TTLL3: variants seen among roughly 807,000 people sequenced by gnomAD.
TTLL3 encodes the protein tubulin tyrosine ligase like 3, also known as tubulin monoglycylase TTLL3.
Under a neutral mutation model 75.2 loss-of-function variants are expected in TTLL3, and 63 were observed. The observed-to-expected ratio is 0.84, with a 90% CI of 0.68 to 1.03. The LOEUF (loss-of-function observed/expected upper bound fraction) is 1.03, where lower values mean the gene tolerates loss of function less well. Among genes scored for constraint, TTLL3 ranks in the 50% least tolerant of loss-of-function variants. The pLI is 0.00. For synonymous variants in TTLL3, 393 were observed against 418.5 expected, an observed-to-expected ratio of 0.94 and a Z score of 0.74; for missense variants, 997 against 1,069.9, an observed-to-expected ratio of 0.93 and a Z score of 0.95.
At chr3:9,819,765 T>G in intron 7 of TTLL3, 1 of 985,480 alleles carries the variant, frequency 1.0e-6, no homozygotes, top group Non-Finnish European at 1.2e-6. Context: ...GGAAAATCCC[T>G]GCCTCTTCCA....
chr3:9,809,983 G>GAGGGCGGGCGCGGGATCAGGGGCCCTGGC, upstream of TTLL3: 1 of 1,297,716 alleles, frequency 7.7e-7, no homozygotes. Flanking sequence ...GGGGCCCTGG[G>GAGGGCGGGCGCGGGATCAGGGGCCCTGGC]AGGGCGAGCG....
chr3:9,828,203 G>C (rs1379688073), intron 10 of TTLL3: 1 of 151,114 alleles, frequency 6.6e-6, no homozygotes, highest in South Asian at 2.1e-4. Context: ...AGCAAATGTA[G>C]AGCAGGGGAA....
intron 4 of TTLL3, 104 bp from the exon 5 acceptor site, chr3:9,815,970 C>T: frequency 1.7e-6 from 2 of 1,147,638 alleles, no homozygotes; most frequent in Non-Finnish European, 2.3e-6. Context: ...GAAGCATCCT[C>T]TCCTTCCTGT....
At position 9,810,309 on chromosome 3, in the gene TTLL3, C is replaced by T. The variant is rs1249316629; in HGVS notation, c.-127C>T. The T allele has an allele frequency of 5.4e-6, 8 of 1,485,718 alleles. No individual in the cohort carries two copies. Among genetic ancestry groups the T allele is most frequent in the Admixed American group, 2.5e-5 (1 of 40,554 alleles). The allele number at this position is 1,485,718 out of a possible 1,614,324, so 92.0% of individuals were successfully genotyped here. The stretch of plus-strand genomic sequence containing the variant: ...TCAGCGGCGCCTTCAAGACGCTGGT[C>T]CCAGGCACCCACGCCCAGGGCGCCT... On this transcript the variant is annotated 5_prime_UTR_variant, in exon 1 of 14. Transcript: ENST00000685419. This position sits in a 1 kb window ranked among gnomAD's most constrained non-coding sequence, Gnocchi z 4.4.
intron 12 of TTLL3, 128 bp from the exon 13 acceptor site, chr3:9,834,553 C>G: frequency 7.0e-7 from 1 of 1,437,596 alleles, no homozygotes. Context: ...GGAGGAGGAA[C>G]CGGGAGGGCT....
chr3:9,817,870 C>T (rs2080038773), intron 6 of TTLL3, 111 bp downstream of exon 6: 2 of 1,377,752 alleles, frequency 1.5e-6, no homozygotes, highest in Non-Finnish European at 2.0e-6. Flanking sequence ...ATCTGCCTGC[C>T]CCAGCAGATT....
rs745415231 is a variant in TTLL3 at position 9,813,339 on chromosome 3, T to C, written c.309T>C (p.Ala103=). Residue 103 remains alanine (A), a synonymous_variant, in exon 4 of 14, where the codon GCT becomes GCC. Coordinates refer to ENST00000685419, the MANE Select transcript of TTLL3 (RefSeq NM_001387446.1). ...LKFDDLDGTH[A]LMSRMVQNEI... ...TTGATGACCTAGATGGAACACATGC[T>C]CTGATGGTGAGGGCCCTGGGGGCCA... 6.2e-7 allele frequency: 1 copy of C among 1,614,112 alleles called. No homozygotes were observed. Among genetic ancestry groups the C allele is most frequent in the Non-Finnish European group, 8.5e-7 (1 of 1,180,028 alleles).
intron 10 of TTLL3, 33 bp from the exon 11 acceptor site, chr3:9,828,927 G>T (rs756319815): frequency 6.2e-7 from 1 of 1,610,034 alleles, no homozygotes; most frequent in Non-Finnish European, 8.5e-7. Context: ...AGACACAAGG[G>T]CCTGGACCTC....
At chr3:9,832,538 A>G (rs767649181) in intron 11 of TTLL3, among the ~76,000 whole-genome samples, 4 of 152,200 alleles carry the variant, frequency 2.6e-5, no homozygotes, top group Non-Finnish European at 5.9e-5. Context: ...AGGGCAGGAC[A>G]TACAGCTTGG....
chr3:9,810,587 G>C lies in TTLL3; in HGVS notation c.-41-34G>C, dbSNP rs960696356. The C allele has an allele frequency of 8.4e-6, 13 of 1,548,320 alleles. No individual in the cohort carries two copies. The highest frequency in any genetic ancestry group is 1.1e-5 in the Non-Finnish European group (13 of 1,145,362). On this transcript the variant is annotated intron_variant, in intron 1 of 13. Coordinates refer to ENST00000685419, the MANE Select transcript of TTLL3 (RefSeq NM_001387446.1). The surrounding 1 kb of genome is among the most constrained non-coding windows in gnomAD (Gnocchi z 4.4). ...GGCCGAGACCCTAGGCCCAGCCTCA[G>C]TGTACCCCGCCCCTATTCCGCATCT...
In TTLL3 at chr3:9,827,009, T is replaced by G. The variant is rs969680767; in HGVS notation, c.1016T>G (p.Met339Arg). ...TCTTCCCCCGTAGGCATCATGTGCA[T>G]GGACCACCTGGAGGAGATGCTGAAG... ...AKSRGRGIMCMDHLEEMLKLV... is the reference protein window; with the variant it reads ...AKSRGRGIMCRDHLEEMLKLV... The change falls in exon 10 of 14, where the codon ATG becomes AGG. Residue 339 changes from methionine to arginine, a missense_variant. Met to Arg is a moderately conservative substitution (Grantham distance 91). Coordinates refer to ENST00000685419, the MANE Select transcript of TTLL3 (RefSeq NM_001387446.1). 6.2e-7 allele frequency: 1 copy of G among 1,614,040 alleles called. No homozygotes were observed. The highest frequency in any genetic ancestry group is 1.3e-5 in the African/African-American group (1 of 74,912).
chr3:9,820,182 G>A (rs919885230), intron 7 of TTLL3: 4 of 1,026,864 alleles, frequency 3.9e-6, no homozygotes, highest in Non-Finnish European at 4.7e-6. Context: ...TGGGGGAGGG[G>A]CGTTCATGTA....
intron 12 of TTLL3, 32 bp from the exon 13 acceptor site, chr3:9,834,649 C>A (rs1202822200): frequency 6.2e-7 from 1 of 1,612,814 alleles, no homozygotes; most frequent in African/African-American, 1.3e-5. Flanking sequence ...GGGCCCCACC[C>A]CAGGGCCTCA....
At chr3:9,824,139 G>A (rs931544542) in intron 8 of TTLL3, among the ~76,000 whole-genome samples, 1 of 152,200 alleles carries the variant, frequency 6.6e-6, no homozygotes, top group Non-Finnish European at 1.5e-5. Context: ...TTGTAGTTAG[G>A]GGATTCAGAC....
intron 5 of TTLL3, 149 bp downstream of exon 5, chr3:9,816,351 C>A: frequency 1.2e-6 from 1 of 801,078 alleles, no homozygotes; most frequent in Non-Finnish European, 1.7e-6. Context: ...TGACCAGTAT[C>A]TGGCAAGTTC....
intron 11 of TTLL3, among the ~76,000 whole-genome samples, chr3:9,832,493 A>G (rs569911654): frequency 3.3e-5 from 5 of 152,168 alleles, no homozygotes; most frequent in Non-Finnish European, 7.4e-5. Flanking sequence ...CCAGGTTGCT[A>G]GCAAGGCACA....
At position 9,813,358 on chromosome 3, in the gene TTLL3, G is replaced by C; in HGVS notation, c.315+13G>C. 6.2e-7 allele frequency: 1 copy of C among 1,613,736 alleles called. No individual in the cohort carries two copies. The highest frequency in any genetic ancestry group is 8.5e-7 in the Non-Finnish European group (1 of 1,179,972). ...ACATGCTCTGATGGTGAGGGCCCTG[G>C]GGGCCAAGATGATACAGGGACTGCC... On this transcript the variant is annotated intron_variant, in intron 4 of 13. Coordinates refer to ENST00000685419, the MANE Select transcript of TTLL3 (RefSeq NM_001387446.1).
intron 11 of TTLL3, 91 bp from the exon 12 acceptor site, chr3:9,833,013 T>C (rs1329116112): frequency 3.1e-5 from 47 of 1,508,720 alleles, no homozygotes; most frequent in Non-Finnish European, 4.1e-5. Context: ...CCTCAGAAAG[T>C]AATTCCACCC....
chr3:9,810,754 C>T lies in TTLL3; in HGVS notation c.48+45C>T. 6.6e-7 allele frequency: 1 copy of T among 1,509,072 alleles called. No homozygotes were observed. 93.5% of individuals were successfully genotyped at this position (1,509,072 alleles called of 1,614,324 possible). ...CGCTTAGAAAGGGCCCTGGGAGCGG[C>T]TCAGCCTGTCTCCCTGCGCTGTTTT... is the stretch of plus-strand genomic sequence containing the variant. On this transcript the variant is annotated intron_variant, in intron 2 of 13. Coordinates refer to ENST00000685419, the MANE Select transcript of TTLL3 (RefSeq NM_001387446.1). The surrounding 1 kb of genome is among the most constrained non-coding windows in gnomAD (Gnocchi z 4.4).
Sources: allele counts gnomAD v4.1 joint callset (sites outside exome capture counted in the v4.1 genomes callset), GRCh38; gene constraint gnomAD v4.1.1; non-coding constraint Gnocchi (gnomAD v3.1); transcripts MANE v1.5; gene names NCBI Gene and HGNC (gene_info 2026-07-23, HGNC 2026-07-21).